The following RGL1 variants were observed in gnomAD, a reference collection of about 807,000 sequenced individuals.
The protein encoded by RGL1 is ral guanine nucleotide dissociation stimulator like 1.
A neutral mutation model predicts 95.2 loss-of-function variants in RGL1; 24 were observed. The observed-to-expected ratio is 0.25, with a 90% CI of 0.18 to 0.35. The LOEUF is 0.35. RGL1 is among the 10% of genes least tolerant of loss of function. RGL1 has a pLI of 1.00. For synonymous variants in RGL1, 329 were observed against 344.9 expected, an observed-to-expected ratio of 0.95 and a Z score of 0.51; for missense variants, 715 against 936.3, an observed-to-expected ratio of 0.76 and a Z score of 3.08.
intron 2 of RGL1, among the ~76,000 whole-genome samples, chr1:183,795,822 G>A (rs1366947874): frequency 2.0e-5 from 3 of 152,204 alleles, no homozygotes; most frequent in Admixed American, 6.5e-5. Flanking sequence ...CTCAGTAAAT[G>A]TTGCTCATTG....
chr1:183,673,102 G>T (rs982878273), intron 1 of RGL1, among the ~76,000 whole-genome samples: 1 of 152,112 alleles, frequency 6.6e-6, no homozygotes, highest in Non-Finnish European at 1.5e-5. Context: ...TAAATATCAA[G>T]ATGCCAGGTT....
rs1359963364 is a variant in RGL1, at chr1:183,705,320, G to T, written c.-32-36806G>T. Among the ~76,000 whole-genome samples the T allele has an allele frequency of 5.3e-5, 8 of 152,118 alleles. No homozygotes were observed. In the East Asian group the frequency reaches 1.3e-3, roughly 26 times the overall value. On this transcript the variant is annotated intron_variant, in intron 1 of 18. Coordinates refer to the RGL1 transcript ENST00000304685. Reference sequence around the variant, plus strand: ...AAGAGCTAGGCCTAGATAGGTGACTGGGGGGGTGCTTATTTGTGCTTTCTT... The same window carrying T: ...AAGAGCTAGGCCTAGATAGGTGACTTGGGGGGTGCTTATTTGTGCTTTCTT...
intron 2 of RGL1, among the ~76,000 whole-genome samples, chr1:183,791,987 G>T (rs1049949097): frequency 6.6e-6 from 1 of 151,998 alleles, no homozygotes; most frequent in Non-Finnish European, 1.5e-5. Flanking sequence ...CTTAGAAGTC[G>T]CTTTCTTCAT....
chr1:183,835,592 T>C (rs2102500267), intron 2 of RGL1, among the ~76,000 whole-genome samples: 1 of 152,282 alleles, frequency 6.6e-6, no homozygotes, highest in Middle Eastern at 3.4e-3. Context: ...ATGAGAGGGA[T>C]TTTGTTTCCC....
chr1:183,891,123 A>G (rs1465106318), intron 8 of RGL1, among the ~76,000 whole-genome samples: 1 of 152,196 alleles, frequency 6.6e-6, no homozygotes, highest in Non-Finnish European at 1.5e-5. Flanking sequence ...TATTTTCTCC[A>G]AATATGAATA....
intron 4 of RGL1, among the ~76,000 whole-genome samples, chr1:183,872,200 TTA>T (rs1383908993): frequency 6.6e-6 from 1 of 152,258 alleles, no homozygotes; most frequent in Non-Finnish European, 1.5e-5. Flanking sequence ...GGCAGATTTA[TTA>T]TAGTCATTGA....
At chr1:183,690,165 T>C (rs1653855592) in intron 1 of RGL1, among the ~76,000 whole-genome samples, 1 of 152,118 alleles carries the variant, frequency 6.6e-6, no homozygotes, top group Admixed American at 6.6e-5. Flanking sequence ...GGTGGCTGTG[T>C]GGGAATTGGC....
chr1:183,901,395 G>A (rs1260887914), intron 11 of RGL1, among the ~76,000 whole-genome samples: 1 of 151,982 alleles, frequency 6.6e-6, no homozygotes, highest in Non-Finnish European at 1.5e-5. Context: ...GCTGAGGCAG[G>A]AGAATCACTT....
chr1:183,713,376 A>C (rs943718461), intron 1 of RGL1, among the ~76,000 whole-genome samples: 4,315 of 47,546 alleles, frequency 0.091, 4 homozygotes, highest in Middle Eastern at 0.12. Flanking sequence ...ATCTAGAGGC[A>C]CCCCCCCCCC....
rs150586464 is a variant in RGL1, at chr1:183,713,627, C to T, written c.-32-28499C>T. On this transcript the variant is annotated intron_variant, in intron 1 of 18. Coordinates refer to the RGL1 transcript ENST00000304685. Reference sequence around the variant, plus strand: ...AAGAGGTTCCACAGAGATCCCTCATCCCTTCTACCATGTGAGGTCACAGGG... The same window carrying T: ...AAGAGGTTCCACAGAGATCCCTCATTCCTTCTACCATGTGAGGTCACAGGG... Among the ~76,000 whole-genome samples the T allele has an allele frequency of 2.4e-3, 359 of 152,220 alleles. 2 individuals are homozygous for T. The highest frequency in any genetic ancestry group is 3.8e-3 in the Non-Finnish European group (257 of 68,014).
rs1035782161 is a variant in RGL1 at position 183,713,383 on chromosome 1, C to CA, written c.-32-28743_-32-28742insA. ...AAAAAAAAATCTAGAGGCACCCCCC[C>CA]CCCCCGCTTTTATAATGACCCTTTT... On this transcript the variant is annotated intron_variant, in intron 1 of 18. Coordinates refer to the RGL1 transcript ENST00000304685. Among the ~76,000 whole-genome samples, 175 of 136,636 alleles carry CA rather than the reference C, an allele frequency of 1.3e-3. 28 individuals are homozygous for CA. The highest frequency in any genetic ancestry group is 7.1e-3 in the Middle Eastern group (2 of 280). The allele number at this position is 136,636 out of a possible 152,430, so 89.6% of individuals were successfully genotyped here. A position where few individuals can be genotyped will look rare whatever the true frequency, so the allele number is the denominator to read the frequency against.
At chr1:183,871,987 A>G (rs1190622901) in intron 4 of RGL1, among the ~76,000 whole-genome samples, 2 of 152,226 alleles carry the variant, frequency 1.3e-5, no homozygotes, top group Admixed American at 6.5e-5. Context: ...CTGATTATAT[A>G]AGGTGTGCCA....
At chr1:183,869,510 G>A (rs965041641) in intron 4 of RGL1, among the ~76,000 whole-genome samples, 1 of 152,238 alleles carries the variant, frequency 6.6e-6, no homozygotes, top group African/African-American at 2.4e-5. Context: ...ATGAAAATAT[G>A]CCACTTTATC....
intron 6 of RGL1, 125 bp downstream of exon 6, chr1:183,884,035 T>A: frequency 1.0e-6 from 1 of 975,540 alleles, no homozygotes; most frequent in East Asian, 2.4e-5. Context: ...TGAGACAGGC[T>A]GCGCCTGCAG....
intron 2 of RGL1, among the ~76,000 whole-genome samples, chr1:183,773,059 G>A (rs1409168218): frequency 7.3e-6 from 1 of 137,166 alleles, no homozygotes; most frequent in Non-Finnish European, 1.5e-5. Context: ...ATTTCACTCT[G>A]ATATCTATAA....
At chr1:183,671,800 CAGT>C (rs1652473070) in intron 1 of RGL1, among the ~76,000 whole-genome samples, 1 of 152,166 alleles carries the variant, frequency 6.6e-6, no homozygotes, top group Non-Finnish European at 1.5e-5. Flanking sequence ...GCTGTAGACT[CAGT>C]AGGGCATATG....
At chr1:183,781,138 T>A (rs1015987919) in intron 2 of RGL1, among the ~76,000 whole-genome samples, 1 of 152,238 alleles carries the variant, frequency 6.6e-6, no homozygotes, top group Non-Finnish European at 1.5e-5. Context: ...GTTCCTCTTA[T>A]CAAAATCTCT....
intron 1 of RGL1, among the ~76,000 whole-genome samples, chr1:183,712,837 A>G (rs1428266521): frequency 6.6e-6 from 1 of 152,194 alleles, no homozygotes; most frequent in Non-Finnish European, 1.5e-5. Flanking sequence ...ATTCTTATAA[A>G]AGGAACAGGT....
chr1:183,878,676 TATC>T (rs1364542420), intron 4 of RGL1, among the ~76,000 whole-genome samples: 7 of 152,248 alleles, frequency 4.6e-5, no homozygotes, highest in African/African-American at 1.2e-4. Flanking sequence ...TAATGAGTTT[TATC>T]ATAATAATTA....
Sources: allele counts gnomAD v4.1 joint callset (sites outside exome capture counted in the v4.1 genomes callset), GRCh38; gene constraint gnomAD v4.1.1; transcripts MANE v1.5; gene names NCBI Gene and HGNC (gene_info 2026-07-23, HGNC 2026-07-21).